Variants in MAGI2 observed in about 807,000 individuals in gnomAD.
MAGI2 encodes membrane-associated guanylate kinase, WW and PDZ domain-containing protein 2.
In MAGI2, 35 loss-of-function variants were observed where a neutral mutation model predicts 133.3. The observed-to-expected ratio is 0.26, with a 90% CI of 0.20 to 0.35. The LOEUF (loss-of-function observed/expected upper bound fraction) is 0.35. MAGI2 is among the 10% of genes least tolerant of loss of function. The pLI is 1.00. For synonymous variants in MAGI2, 729 were observed against 710.6 expected (o/e 1.03, Z -0.41); for missense variants, 1,636 against 1,863.4 (o/e 0.88, Z 2.25).
At chr7:79,277,261 T>G (rs1399653603) in intron 1 of MAGI2, among the ~76,000 whole-genome samples, 1 of 152,176 alleles carries the variant, frequency 6.6e-6, no homozygotes, top group Non-Finnish European at 1.5e-5. Flanking sequence ...GCACATTGAT[T>G]ATGACTTGCT....
chr7:78,670,040 C>T (rs1256979745), intron 2 of MAGI2, among the ~76,000 whole-genome samples: 2 of 151,616 alleles, frequency 1.3e-5, no homozygotes, highest in Non-Finnish European at 2.9e-5. Context: ...CTCACCACTC[C>T]TATTCAACAT....
chr7:78,520,796 T>C (rs999984053), intron 4 of MAGI2, among the ~76,000 whole-genome samples: 7 of 151,166 alleles, frequency 4.6e-5, no homozygotes, highest in African/African-American at 1.7e-4. Flanking sequence ...ACAATGATCA[T>C]AAATCAAGGG....
intron 10 of MAGI2, among the ~76,000 whole-genome samples, chr7:78,214,010 G>A (rs557016411): frequency 6.6e-6 from 1 of 152,298 alleles, no homozygotes; most frequent in African/African-American, 2.4e-5. Flanking sequence ...TGTTGAGTTG[G>A]AATAAAACGT....
chr7:78,194,221 C>T (rs979728154), intron 12 of MAGI2, among the ~76,000 whole-genome samples: 3 of 152,164 alleles, frequency 2.0e-5, no homozygotes, highest in African/African-American at 7.2e-5. Flanking sequence ...AACAATGGTG[C>T]AAGCAATATC....
intron 2 of MAGI2, among the ~76,000 whole-genome samples, chr7:78,684,595 A>C (rs911938076): frequency 7.2e-5 from 11 of 152,164 alleles, no homozygotes; most frequent in African/African-American, 2.4e-4. Context: ...GATAAAATTC[A>C]CATTACCCTA....
chr7:78,459,151 A>G (rs1789686070), intron 6 of MAGI2, among the ~76,000 whole-genome samples: 1 of 152,238 alleles, frequency 6.6e-6, no homozygotes, highest in Non-Finnish European at 1.5e-5. Context: ...CTGTCAATCC[A>G]TGTTTAACAA....
chr7:78,710,702 C>T (rs1384547627), intron 2 of MAGI2, among the ~76,000 whole-genome samples: 1 of 152,074 alleles, frequency 6.6e-6, no homozygotes, highest in African/African-American at 2.4e-5. Context: ...TGATTAAATG[C>T]CGCTTGACAC....
At chr7:78,425,964 A>G (rs573404508) in intron 6 of MAGI2, among the ~76,000 whole-genome samples, 34 of 152,358 alleles carry the variant, frequency 2.2e-4, no homozygotes, top group African/African-American at 8.2e-4. Flanking sequence ...TTGGAAAACA[A>G]TACCAAAATT....
At chr7:79,385,470 A>C (rs1844109040) in intron 1 of MAGI2, among the ~76,000 whole-genome samples, 1 of 151,972 alleles carries the variant, frequency 6.6e-6, no homozygotes, top group African/African-American at 2.4e-5. Flanking sequence ...TAGGAAGTCC[A>C]CTGTATTGCA....
intron 21 of MAGI2, among the ~76,000 whole-genome samples, chr7:78,034,452 C>T (rs1328779571): frequency 6.6e-6 from 1 of 152,182 alleles, no homozygotes; most frequent in Non-Finnish European, 1.5e-5. Context: ...CAAGTGGTCC[C>T]TTCCCTTCTA....
At chr7:78,597,988 G>T (rs1804798310) in intron 3 of MAGI2, among the ~76,000 whole-genome samples, 1 of 151,988 alleles carries the variant, frequency 6.6e-6, no homozygotes, top group African/African-American at 2.4e-5. Flanking sequence ...CCAATACAAG[G>T]TAAAAACAAT....
chr7:78,201,309 C>T (rs936509621), intron 10 of MAGI2, 116 bp from the exon 11 acceptor site: 2 of 511,590 alleles, frequency 3.9e-6, no homozygotes, highest in African/African-American at 4.0e-5. Flanking sequence ...CGAACAATAA[C>T]AAAAACTTCT....
intron 1 of MAGI2, among the ~76,000 whole-genome samples, chr7:79,120,582 A>T (rs1819806480): frequency 6.6e-6 from 1 of 152,048 alleles, no homozygotes; most frequent in Non-Finnish European, 1.5e-5. Context: ...CTGGAAATAG[A>T]TCTCTCATAA....
intron 1 of MAGI2, among the ~76,000 whole-genome samples, chr7:79,250,751 C>T (rs1833186994): frequency 6.6e-6 from 1 of 151,920 alleles, no homozygotes; most frequent in African/African-American, 2.4e-5. Flanking sequence ...AAAATACTAA[C>T]AGTTACATGG....
At chr7:78,821,080 A>G in intron 2 of MAGI2, among the ~76,000 whole-genome samples, 1 of 152,072 alleles carries the variant, frequency 6.6e-6, no homozygotes, top group East Asian at 1.9e-4. Context: ...TAGTATTAGA[A>G]ACAGCATTTG....
intron 21 of MAGI2, among the ~76,000 whole-genome samples, chr7:78,037,706 G>A (rs1406818240): frequency 6.6e-6 from 1 of 152,192 alleles, no homozygotes; most frequent in Non-Finnish European, 1.5e-5. Flanking sequence ...TTATAGGTGT[G>A]TGATGCAAAT....
At chr7:78,304,128 G>A (rs1798068267) in intron 9 of MAGI2, among the ~76,000 whole-genome samples, 1 of 152,094 alleles carries the variant, frequency 6.6e-6, no homozygotes, top group Admixed American at 6.6e-5. Flanking sequence ...AAACTATCCT[G>A]ACTCTTACAC....
intron 14 of MAGI2, 91 bp from the exon 15 acceptor site, chr7:78,168,199 A>G: frequency 2.6e-6 from 3 of 1,171,810 alleles, no homozygotes; most frequent in Non-Finnish European, 3.6e-6. Context: ...TTCGTTGCCC[A>G]AGCTGAAGTA....
intron 21 of MAGI2, among the ~76,000 whole-genome samples, chr7:78,037,792 A>G (rs571228083): frequency 6.6e-6 from 1 of 152,306 alleles, no homozygotes; most frequent in East Asian, 1.9e-4. Context: ...GAGCCAAAGG[A>G]TGGCTGAAAA....
Sources: allele counts gnomAD v4.1 joint callset (sites outside exome capture counted in the v4.1 genomes callset), GRCh38; gene constraint gnomAD v4.1.1; transcripts MANE v1.5; gene names NCBI Gene and HGNC (gene_info 2026-07-23, HGNC 2026-07-21).